The following POLR2F variants were observed in gnomAD, a reference collection of about 807,000 sequenced individuals.
POLR2F encodes RNA polymerase II, I and III subunit F.
In POLR2F, 12 loss-of-function variants were observed where a neutral mutation model predicts 22.7. The ratio of observed to expected loss-of-function variants is 0.53; its 90% CI spans 0.34 to 0.86. The LOEUF is 0.86. Ranked by LOEUF, POLR2F falls within the 40% of genes least tolerant of loss-of-function variation. POLR2F has a pLI of 0.02. For synonymous variants in POLR2F, 57 were observed against 66.0 expected (o/e 0.86, Z 0.66); for missense variants, 126 against 171.5 (o/e 0.73, Z 1.48).
intron 3 of POLR2F, 48 bp from the exon 4 acceptor site, chr22:37,967,051 T>G (rs1931880494): frequency 1.4e-6 from 2 of 1,434,564 alleles, no homozygotes; most frequent in Non-Finnish European, 1.9e-6. Flanking sequence ...TGTTGGGCCC[T>G]TCTCCCTGGG....
At chr22:37,991,543 T>C (rs1391066080) in intron 1 of POLR2F, among the ~76,000 whole-genome samples, 2 of 152,234 alleles carry the variant, frequency 1.3e-5, no homozygotes, top group African/African-American at 4.8e-5. Context: ...ATATGAATCT[T>C]TAATTTATTA....
At chr22:37,996,961 C>T (rs965984568) in intron 1 of POLR2F, among the ~76,000 whole-genome samples, 1 of 152,130 alleles carries the variant, frequency 6.6e-6, no homozygotes, top group Non-Finnish European at 1.5e-5. Flanking sequence ...GAAACTCCCA[C>T]CCCTAGGGCA....
chr22:37,997,407 C>T lies in POLR2F; in HGVS notation c.120+11095C>T, dbSNP rs2084725524. 6.6e-6 allele frequency among the ~76,000 whole-genome samples: 1 copy of T among 152,048 alleles called. No individual in the cohort carries two copies. Among genetic ancestry groups the T allele is most frequent in the African/African-American group, 2.4e-5 (1 of 41,376 alleles). ...GTCCTTCTTGTCCTGGCCCTCCTGCCCTGGCTCCCTGTCTCTCTCCAGCCC... is the reference window on the plus strand; with the variant it reads ...GTCCTTCTTGTCCTGGCCCTCCTGCTCTGGCTCCCTGTCTCTCTCCAGCCC... On this transcript the variant is annotated intron_variant, in intron 1 of 2. Coordinates refer to the POLR2F transcript ENST00000333418. This position sits in a 1 kb window ranked among gnomAD's most constrained non-coding sequence, Gnocchi z 4.4.
downstream of POLR2F, chr22:37,973,794 G>C (rs569812370): frequency 6.3e-7 from 1 of 1,596,484 alleles, no homozygotes; most frequent in African/African-American, 1.3e-5. Flanking sequence ...TCGGTGTAGT[G>C]TGGGGGCCCC....
intron 1 of POLR2F, among the ~76,000 whole-genome samples, chr22:38,013,446 A>C (rs1235135004): frequency 6.6e-6 from 1 of 152,218 alleles, no homozygotes; most frequent in African/African-American, 2.4e-5. Context: ...ACGCCCGGTC[A>C]GTTGTGACTT....
At chr22:38,028,028 G>A (rs955534791), downstream of POLR2F, among the ~76,000 whole-genome samples, 3 of 152,128 alleles carry the variant, frequency 2.0e-5, no homozygotes, top group Non-Finnish European at 2.9e-5. Flanking sequence ...GGAAGGAGGC[G>A]CCACAGTCAG....
At chr22:37,983,329 C>T (rs1932458769), upstream of POLR2F, 3 of 1,589,080 alleles carry the variant, frequency 1.9e-6, no homozygotes, top group African/African-American at 1.3e-5. The surrounding 1 kb of genome is among the most constrained non-coding windows in gnomAD (Gnocchi z 9.5). Context: ...CTAGAGGGCC[C>T]GAGCCCGGGG....
chr22:37,955,203 GTTT>G (rs77201045), intron 1 of POLR2F, among the ~76,000 whole-genome samples: 10 of 131,742 alleles, frequency 7.6e-5, no homozygotes, highest in Non-Finnish European at 9.8e-5. Flanking sequence ...AGAAATAAGG[GTTT>G]TTTTTTTTTT....
At chr22:38,025,568 C>G (rs1364007568) in intron 1 of POLR2F, 1 of 1,495,218 alleles carries the variant, frequency 6.7e-7, no homozygotes, top group East Asian at 2.3e-5. Context: ...TCCCATCTCT[C>G]TCATTTCCAG....
rs549071003 is a variant in POLR2F at position 37,974,788 on chromosome 22, C to T, written c.293+7618C>T. Among the ~76,000 whole-genome samples, 4 of 152,352 alleles carry T rather than the reference C, an allele frequency of 2.6e-5. No homozygotes were observed. The highest frequency in any genetic ancestry group is 9.6e-5 in the African/African-American group (4 of 41,580). On this transcript the variant is annotated intron_variant, in intron 4 of 4. Coordinates refer to the POLR2F transcript ENST00000405557. The surrounding 1 kb of genome is among the most constrained non-coding windows in gnomAD (Gnocchi z 5.4). ...TGTGGAAAGTTCTTCCTCTCATCAG[C>T]TTCTCTGCTGTCCAGGTGGTCTGGC...
At position 37,968,240 on chromosome 22, in the gene POLR2F, G is replaced by A. The variant is rs1402311582; in HGVS notation, c.*525G>A. 2.8e-5 allele frequency: 28 copies of A among 985,508 alleles called. No individual in the cohort carries two copies. Among genetic ancestry groups the A allele is most frequent in the Non-Finnish European group, 3.4e-5 (28 of 829,990 alleles). 61.0% of individuals were successfully genotyped at this position (985,508 alleles called of 1,614,324 possible). On this transcript the variant is annotated 3_prime_UTR_variant, in exon 5 of 5. Coordinates refer to ENST00000442738, the MANE Select transcript of POLR2F (RefSeq NM_021974.5). ...CAGTGCCCCAGCAGGAAGCGTGGGG[G>A]TGTGCTGATCTCCCACCCTCCCCAG...
chr22:37,989,180 A>G (rs1429280407), intron 1 of POLR2F, among the ~76,000 whole-genome samples: 2 of 152,202 alleles, frequency 1.3e-5, no homozygotes, highest in African/African-American at 4.8e-5. Flanking sequence ...AGATCACGCT[A>G]TTAACCTCTC....
At chr22:37,956,633 T>A in intron 1 of POLR2F, 140 bp from the exon 2 acceptor site, 1 of 675,976 alleles carries the variant, frequency 1.5e-6, no homozygotes, top group Non-Finnish European at 2.6e-6. Context: ...GCCAGGCTGG[T>A]CTTGAATTCC....
chr22:37,994,512 ATTATTTAT>A (rs773283034), intron 1 of POLR2F, among the ~76,000 whole-genome samples: 2 of 151,514 alleles, frequency 1.3e-5, no homozygotes, highest in East Asian at 3.9e-4. Flanking sequence ...ACGCCTGGCT[ATTATTTAT>A]TTATTTATTT....
chr22:37,988,521 C>A (rs1227519799), intron 1 of POLR2F, among the ~76,000 whole-genome samples: 3 of 145,472 alleles, frequency 2.1e-5, no homozygotes, highest in East Asian at 2.1e-4. Context: ...CATGGTGGCA[C>A]GCACCTGTAA....
At chr22:38,022,350 G>C (rs1198406018) in intron 1 of POLR2F, among the ~76,000 whole-genome samples, 3 of 151,370 alleles carry the variant, frequency 2.0e-5, no homozygotes, top group Non-Finnish European at 2.9e-5. Context: ...TCAGGAGTTC[G>C]AGACCAGCCT....
chr22:37,965,929 A>G (rs1016602935), intron 3 of POLR2F, among the ~76,000 whole-genome samples: 5 of 152,072 alleles, frequency 3.3e-5, no homozygotes, highest in African/African-American at 4.8e-5. Context: ...CCTAGAGGAG[A>G]TGGGCCTAGA....
At chr22:37,955,593 A>G (rs183746509) in intron 1 of POLR2F, among the ~76,000 whole-genome samples, 1 of 151,780 alleles carries the variant, frequency 6.6e-6, no homozygotes, top group Admixed American at 6.6e-5. Context: ...AACAGTGATG[A>G]TGAATGAGTA....
chr22:37,990,299 A>C (rs1369508914), intron 1 of POLR2F, among the ~76,000 whole-genome samples: 4 of 152,152 alleles, frequency 2.6e-5, no homozygotes, highest in Admixed American at 2.6e-4. Flanking sequence ...CCAGGCCAGC[A>C]AGGCAGCTCC....
Sources: allele counts gnomAD v4.1 joint callset (sites outside exome capture counted in the v4.1 genomes callset), GRCh38; gene constraint gnomAD v4.1.1; non-coding constraint Gnocchi (gnomAD v3.1); transcripts MANE v1.5; gene names NCBI Gene and HGNC (gene_info 2026-07-23, HGNC 2026-07-21).